The following NRBP2 variants were observed in gnomAD, a reference collection of about 807,000 sequenced individuals.
NRBP2 encodes the protein nuclear receptor-binding protein 2.
In NRBP2, 47 loss-of-function variants were observed where a neutral mutation model predicts 74.4. The observed-to-expected ratio is 0.63, with a 90% CI of 0.50 to 0.81. The LOEUF (loss-of-function observed/expected upper bound fraction) is 0.81. Ranked by LOEUF, NRBP2 falls within the 30% of genes least tolerant of loss-of-function variation. The pLI is 0.00. For missense variants in NRBP2, 613 were observed against 690.1 expected (o/e 0.89, Z 1.25); for synonymous variants, 312 against 273.8 (o/e 1.14, Z -1.38).
chr8:143,831,477 T>A (rs561185939), downstream of NRBP2, among the ~76,000 whole-genome samples: 1 of 152,266 alleles, frequency 6.6e-6, no homozygotes, highest in South Asian at 2.1e-4. Context: ...AAAAACCAGC[T>A]GGGCATGGTG....
In NRBP2 at chr8:143,839,011, A is replaced by T. The variant is rs1818562852; in HGVS notation, c.688+6T>A. The stretch of plus-strand genomic sequence containing the variant: ...GCACGGGGCACCCGGACCCAGCACC[A>T]CTCACCTCCATACTCTGGGGGGAAG... On this transcript the variant is annotated splice_donor_region_variant and intron_variant, in intron 8 of 17. Transcript: ENST00000442628. This position sits in a 1 kb window ranked among gnomAD's most constrained non-coding sequence, Gnocchi z 5.1. 1 of 1,548,934 alleles carries T rather than the reference A, an allele frequency of 6.5e-7. No individual in the cohort carries two copies. Among genetic ancestry groups the T allele is most frequent in the Admixed American group, 2.0e-5 (1 of 51,170 alleles).
chr8:143,830,160 C>T (rs1554649717), downstream of NRBP2, among the ~76,000 whole-genome samples: 3 of 152,246 alleles, frequency 2.0e-5, no homozygotes, highest in African/African-American at 7.2e-5. Flanking sequence ...AGAATATTCC[C>T]CGCCTCCCTC....
chr8:143,838,278 C>A (rs1272518016), intron 10 of NRBP2, among the ~76,000 whole-genome samples: 1 of 152,238 alleles, frequency 6.6e-6, no homozygotes, highest in African/African-American at 2.4e-5. Context: ...CATGTCCCCC[C>A]ACAAGCTGGA....
rs528121598 is a variant in NRBP2 at position 143,838,123 on chromosome 8, G to A, written c.841-368C>T. The A allele has an allele frequency of 4.7e-4, 221 of 467,264 alleles. 1 individual carries two copies. The highest frequency in any genetic ancestry group is 2.9e-3 in the South Asian group (150 of 51,686). 28.9% of individuals were successfully genotyped at this position (467,264 alleles called of 1,614,324 possible). A position where few individuals can be genotyped will look rare whatever the true frequency, so the allele number is the denominator to read the frequency against. On this transcript the variant is annotated intron_variant, in intron 10 of 17. Transcript: ENST00000442628. The stretch of plus-strand genomic sequence containing the variant: ...ATGGGTCCCCACTCTGTCCACATCC[G>A]TGCCCAGCCCGGCTCCAGCTCGCCA...
downstream of NRBP2, among the ~76,000 whole-genome samples, chr8:143,832,905 G>T (rs543370773): frequency 7.2e-5 from 11 of 152,182 alleles, no homozygotes; most frequent in East Asian, 2.1e-3. Flanking sequence ...TAAGTCTCTT[G>T]TTCCACCTTA....
rs782284700 is a variant in NRBP2 at position 143,839,290 on chromosome 8, C to T, written c.580+24G>A. 6.5e-7 allele frequency: 1 copy of T among 1,540,362 alleles called. No individual in the cohort carries two copies. The highest frequency in any genetic ancestry group is 1.4e-5 in the African/African-American group (1 of 73,362). The stretch of plus-strand genomic sequence containing the variant: ...GGCACCTTCCCCTGCCCCGTTCCCC[C>T]ACCCAGCCCTGCCCCGCCAGCACCG... On this transcript the variant is annotated intron_variant, in intron 6 of 17. Transcript: ENST00000442628. The surrounding 1 kb of genome is among the most constrained non-coding windows in gnomAD (Gnocchi z 5.1).
chr8:143,839,067 G>A lies in NRBP2; in HGVS notation c.638C>T (p.Ala213Val), dbSNP rs1554652769. Reference protein sequence around the residue: ...LPDDLRSPIRAEREELRNLHF... With the variant: ...LPDDLRSPIRVEREELRNLHF... ...CAGGTTCCGAAGTTCCTCTCGCTCAGCGCGGATGGGGCTTCGGAGATCATC... is the reference window on the plus strand; with the variant it reads ...CAGGTTCCGAAGTTCCTCTCGCTCAACGCGGATGGGGCTTCGGAGATCATC... The change falls in exon 8 of 18, where the codon GCT becomes GTT. Residue 213 changes from alanine (A) to valine (V), a missense_variant. Ala to Val is a moderately conservative substitution (Grantham distance 64). This residue lies in a region of NRBP2 where 332 missense variants were observed against 429.2 expected (regional missense o/e 0.77). Coordinates refer to ENST00000442628, the MANE Select transcript of NRBP2 (RefSeq NM_178564.4). The surrounding 1 kb of genome is among the most constrained non-coding windows in gnomAD (Gnocchi z 5.1). 10 of 1,533,350 alleles carry A rather than the reference G, an allele frequency of 6.5e-6. No individual in the cohort carries two copies. The highest frequency in any genetic ancestry group is 1.4e-5 in the African/African-American group (1 of 73,098). The allele number at this position is 1,533,350 out of a possible 1,614,324, so 95.0% of individuals were successfully genotyped here.
intron 9 of NRBP2, 42 bp from the exon 10 acceptor site, chr8:143,838,817 C>G: frequency 6.2e-7 from 1 of 1,611,252 alleles, no homozygotes; most frequent in East Asian, 2.2e-5. Context: ...AGGGACCACA[C>G]AGGTGAGCCA....
rs1352076684 is a variant in NRBP2 at position 143,834,145 on chromosome 8, A to G, written c.*1517T>C. Reference sequence around the variant, plus strand: ...CCTGCAGATGTGTTTAATATTAAAAACCTTGAGGAGGGAGATTATCATGTA... The same window carrying G: ...CCTGCAGATGTGTTTAATATTAAAAGCCTTGAGGAGGGAGATTATCATGTA... On this transcript the variant is annotated 3_prime_UTR_variant, in exon 18 of 18. Coordinates refer to ENST00000442628, the MANE Select transcript of NRBP2 (RefSeq NM_178564.4). The G allele has an allele frequency of 3.9e-5, 6 of 152,158 alleles. No homozygotes were observed. The highest frequency in any genetic ancestry group is 7.2e-5 in the African/African-American group (3 of 41,418). 9.4% of individuals were successfully genotyped at this position (152,158 alleles called of 1,614,324 possible).
Position 143,833,915 on chromosome 8 carries a change from G to T in NRBP2, c.*1747C>A, listed in dbSNP as rs1554650801. ...AAGGCGTGAGAATTTGAATAATTTT[G>T]TAAATAGTATTGGAATATTTAAGAT... On this transcript the variant is annotated 3_prime_UTR_variant, in exon 18 of 18. Coordinates refer to ENST00000442628, the MANE Select transcript of NRBP2 (RefSeq NM_178564.4). 1.3e-5 allele frequency: 2 copies of T among 152,168 alleles called. No individual in the cohort carries two copies. The highest frequency in any genetic ancestry group is 2.9e-5 in the Non-Finnish European group (2 of 68,030). The allele number at this position is 152,168 out of a possible 1,614,324, so 9.4% of individuals were successfully genotyped here. A position where few individuals can be genotyped will look rare whatever the true frequency, so the allele number is the denominator to read the frequency against.
At position 143,839,393 on chromosome 8, in the gene NRBP2, G is replaced by T; in HGVS notation, c.501C>A (p.Cys167Ter). The T allele has an allele frequency of 5.1e-6, 8 of 1,578,714 alleles. No individual in the cohort carries two copies. The highest frequency in any genetic ancestry group is 6.8e-6 in the Non-Finnish European group (8 of 1,170,024). ...ILSALSFLHA[C>*]SPPIIHGNLT... Reference sequence around the variant, plus strand: ...GGTTCCCGTGGATGATTGGGGGGCTGCAGGCGTGCAGGAAGCTGCAGACGT... The same window carrying T: ...GGTTCCCGTGGATGATTGGGGGGCTTCAGGCGTGCAGGAAGCTGCAGACGT... The change falls in exon 6 of 18, where the codon TGC becomes TGA. Residue 167 changes from cysteine to a stop codon, truncating the protein, a stop_gained. Transcript: ENST00000442628. LOFTEE classifies it high-confidence loss of function. This position sits in a 1 kb window ranked among gnomAD's most constrained non-coding sequence, Gnocchi z 5.1.
At chr8:143,836,731 A>T (rs1452711155) in intron 14 of NRBP2, among the ~76,000 whole-genome samples, 1 of 148,004 alleles carries the variant, frequency 6.8e-6, no homozygotes, top group African/African-American at 2.5e-5. Flanking sequence ...GGGTGGGGGA[A>T]GATTGCTGGC....
chr8:143,840,538 AGC>A lies in NRBP2; in HGVS notation c.129+166_129+167del, dbSNP rs1467971074. ...CTGGCCCTCAGGGAGTCCCAGGGCG[AGC>A]GCCAGGCCAAAGGGGTCCAGGGGTG... On this transcript the variant is annotated intron_variant, in intron 1 of 17. Transcript: ENST00000442628. This position sits in a 1 kb window ranked among gnomAD's most constrained non-coding sequence, Gnocchi z 5.7. 2 of 720,266 alleles carry A rather than the reference AGC, an allele frequency of 2.8e-6. No individual in the cohort carries two copies. The highest frequency in any genetic ancestry group is 3.6e-5 in the African/African-American group (2 of 55,576). The allele number at this position is 720,266 out of a possible 1,614,324, so 44.6% of individuals were successfully genotyped here.
intron 14 of NRBP2, 50 bp downstream of exon 14, chr8:143,836,989 C>G (rs1554651965): frequency 2.5e-6 from 4 of 1,577,728 alleles, no homozygotes; most frequent in Non-Finnish European, 3.4e-6. Flanking sequence ...TCTTATCTGG[C>G]TGTTAGAAGG....
At chr8:143,836,213 CA>C (rs1818375365) in intron 14 of NRBP2, 33 bp from the exon 15 acceptor site, 1 of 1,509,114 alleles carries the variant, frequency 6.6e-7, no homozygotes, top group Non-Finnish European at 8.8e-7. Context: ...CTCACAAACC[CA>C]GCAGCAAGAC....
rs782559159 is a variant in NRBP2 at position 143,838,642 on chromosome 8, G to A, written c.840+38C>T. On this transcript the variant is annotated intron_variant, in intron 10 of 17. Coordinates refer to ENST00000442628, the MANE Select transcript of NRBP2 (RefSeq NM_178564.4). ...CACCTTGCTAGCCCTAGCTGAGCAC[G>A]GTGAGCCAGCTGGGGAGGGGCAGGG... 81 of 1,496,722 alleles carry A rather than the reference G, an allele frequency of 5.4e-5. No homozygotes were observed. The Middle Eastern group carries it at 2.5e-3, about 46-fold the overall frequency. The allele number at this position is 1,496,722 out of a possible 1,614,324, so 92.7% of individuals were successfully genotyped here.
rs1554653313 is a variant in NRBP2, at chr8:143,840,043, G to T, written c.253-13C>A. Reference sequence around the variant, plus strand: ...TCTGGATCTTCTCCTGGGGAGGGAGGGTGGTCGCTGGGTGGTCAGCAGGTG... The same window carrying T: ...TCTGGATCTTCTCCTGGGGAGGGAGTGTGGTCGCTGGGTGGTCAGCAGGTG... On this transcript the variant is annotated splice_polypyrimidine_tract_variant and intron_variant, in intron 2 of 17. Transcript: ENST00000442628. This position sits in a 1 kb window ranked among gnomAD's most constrained non-coding sequence, Gnocchi z 5.7. The T allele has an allele frequency of 6.5e-7, 1 of 1,536,156 alleles. No homozygotes were observed. The highest frequency in any genetic ancestry group is 8.7e-7 in the Non-Finnish European group (1 of 1,146,896).
At chr8:143,831,775 C>T (rs181824943), downstream of NRBP2, among the ~76,000 whole-genome samples, 15 of 152,184 alleles carry the variant, frequency 9.9e-5, no homozygotes, top group Admixed American at 3.3e-4. Context: ...AGTTGTATAT[C>T]AAGACACATC....
chr8:143,836,781 T>C (rs1170835010), intron 14 of NRBP2, among the ~76,000 whole-genome samples: 1 of 151,558 alleles, frequency 6.6e-6, no homozygotes, highest in African/African-American at 2.4e-5. Flanking sequence ...GGAAGGATGC[T>C]TGGAGTAGGT....
Sources: gnomAD v4.1 joint callset for allele counts (sites outside exome capture counted in the v4.1 genomes callset) on GRCh38, gnomAD v4.1.1 for gene constraint, gnomAD v4.1.1 regional missense constraint, Gnocchi (gnomAD v3.1) non-coding constraint, MANE v1.5 for transcripts, NCBI Gene and HGNC (gene_info 2026-07-23, HGNC 2026-07-21) for gene names.